BBS9: variants seen among roughly 807,000 people sequenced by gnomAD.
BBS9 encodes the protein Bardet-Biedl syndrome 9.
Under a neutral mutation model 117.7 loss-of-function variants are expected in BBS9, and 89 were observed. The observed-to-expected ratio is 0.76, with a 90% confidence interval of 0.64 to 0.90. BBS9 has a LOEUF of 0.90. Ranked by LOEUF, BBS9 falls within the 40% of genes least tolerant of loss-of-function variation. The pLI, the probability that BBS9 is intolerant of heterozygous loss-of-function variation, is 0.00. For synonymous variants in BBS9, 379 were observed against 370.9 expected, an observed-to-expected ratio of 1.02 and a Z score of -0.25; for missense variants, 982 against 1,042.2, an observed-to-expected ratio of 0.94 and a Z score of 0.80.
chr7:33,504,328 C>T (rs1318056273), intron 19 of BBS9, among the ~76,000 whole-genome samples: 1 of 152,202 alleles, frequency 6.6e-6, no homozygotes. Flanking sequence ...GCTCTGCCTA[C>T]ATCTCTTTTC....
At chr7:33,607,548 A>G (rs995035078), downstream of BBS9, among the ~76,000 whole-genome samples, 1 of 152,134 alleles carries the variant, frequency 6.6e-6, no homozygotes, top group African/African-American at 2.4e-5. Context: ...ATCACCATAT[A>G]TATCACAAAA....
At chr7:33,373,626 G>T (rs1288865737) in intron 17 of BBS9, among the ~76,000 whole-genome samples, 1 of 152,126 alleles carries the variant, frequency 6.6e-6, no homozygotes, top group Non-Finnish European at 1.5e-5. Context: ...TGAGCATTTT[G>T]GATAAAGTAT....
chr7:33,305,606 G>A (rs1807732374), intron 9 of BBS9, among the ~76,000 whole-genome samples: 1 of 152,030 alleles, frequency 6.6e-6, no homozygotes, highest in African/African-American at 2.4e-5. Flanking sequence ...ATATGTTTAG[G>A]TTTTGGATTT....
chr7:33,272,295 C>G (rs1335660446), intron 7 of BBS9, among the ~76,000 whole-genome samples: 1 of 152,148 alleles, frequency 6.6e-6, no homozygotes, highest in Non-Finnish European at 1.5e-5. Flanking sequence ...CGCCAAACCT[C>G]TGTGAAATGA....
intron 21 of BBS9, among the ~76,000 whole-genome samples, chr7:33,584,496 A>T (rs532356205): frequency 1.1e-4 from 16 of 151,998 alleles, no homozygotes; most frequent in South Asian, 1.0e-3. Flanking sequence ...TGGCATTTTT[A>T]AAAAAATTAG....
chr7:33,250,218 G>T (rs1304255710), intron 5 of BBS9, among the ~76,000 whole-genome samples: 1 of 152,148 alleles, frequency 6.6e-6, no homozygotes, highest in Non-Finnish European at 1.5e-5. Context: ...GTCTTCTCGT[G>T]TATAAAATGG....
intron 17 of BBS9, among the ~76,000 whole-genome samples, chr7:33,368,577 TAC>T (rs201655079): frequency 0.047 from 5,980 of 128,170 alleles, 181 homozygotes; most frequent in African/African-American, 0.082. Flanking sequence ...GAGAAAAAAG[TAC>T]ACACACACAC....
intron 19 of BBS9, among the ~76,000 whole-genome samples, chr7:33,429,926 A>G (rs1381092542): frequency 6.6e-6 from 1 of 152,102 alleles, no homozygotes; most frequent in Non-Finnish European, 1.5e-5. Flanking sequence ...ATGGGAAGGG[A>G]GAGTTGCCTT....
chr7:33,457,995 T>G (rs1838896374), intron 19 of BBS9, among the ~76,000 whole-genome samples: 1 of 152,178 alleles, frequency 6.6e-6, no homozygotes, highest in Admixed American at 6.5e-5. Flanking sequence ...TAATTTCTAG[T>G]CTTTTAGCTC....
intron 21 of BBS9, among the ~76,000 whole-genome samples, chr7:33,540,463 G>A (rs1323495472): frequency 6.6e-6 from 1 of 152,156 alleles, no homozygotes; most frequent in South Asian, 2.1e-4. Flanking sequence ...ATAAACCAAG[G>A]TGTGTATTAA....
rs532983862 is a variant in BBS9 at position 33,544,409 on chromosome 7, T to A, written c.2521+10233T>A. Among the ~76,000 whole-genome samples, 11 of 152,340 alleles carry A rather than the reference T, an allele frequency of 7.2e-5. No individual in the cohort carries two copies. The South Asian group carries it at 2.3e-3, about 32-fold the overall frequency. On this transcript the variant is annotated intron_variant, in intron 21 of 22. Coordinates refer to ENST00000242067, the MANE Select transcript of BBS9 (RefSeq NM_198428.3). ...TTCCCTTGATGTAGTACTCTCTCCC[T>A]TTTCCTATGGATGTGGCTTTCTGTG...
intron 16 of BBS9, among the ~76,000 whole-genome samples, chr7:33,365,361 T>C (rs1563068907): frequency 6.6e-6 from 1 of 152,216 alleles, no homozygotes; most frequent in East Asian, 1.9e-4. Flanking sequence ...GTGCTGGCAG[T>C]ATGAGATGTA....
At chr7:33,397,470 A>G (rs1399070964) in intron 19 of BBS9, among the ~76,000 whole-genome samples, 2 of 152,196 alleles carry the variant, frequency 1.3e-5, no homozygotes, top group Non-Finnish European at 2.9e-5. Context: ...ATTACTGAGT[A>G]TATACCCAAA....
intron 19 of BBS9, among the ~76,000 whole-genome samples, chr7:33,399,760 A>G (rs1178827441): frequency 6.6e-6 from 1 of 152,188 alleles, no homozygotes; most frequent in East Asian, 1.9e-4. Context: ...TGTAATGACA[A>G]TGATGTAAGT....
intron 1 of BBS9, among the ~76,000 whole-genome samples, chr7:33,141,035 C>G (rs568999635): frequency 8.9e-4 from 136 of 152,136 alleles, no homozygotes; most frequent in Admixed American, 2.7e-3. Flanking sequence ...AATGGTTTCC[C>G]AATGAAAACA....
chr7:33,135,110 C>T (rs1042333731), intron 1 of BBS9, among the ~76,000 whole-genome samples: 1 of 152,176 alleles, frequency 6.6e-6, no homozygotes, highest in Admixed American at 6.5e-5. Flanking sequence ...ACAGGCTGGG[C>T]TCAGACTTCT....
At chr7:33,385,989 G>C (rs1332549411) in intron 18 of BBS9, among the ~76,000 whole-genome samples, 1 of 152,098 alleles carries the variant, frequency 6.6e-6, no homozygotes, top group East Asian at 1.9e-4. Context: ...TGTGGGGTGG[G>C]GGGAGCGGAG....
chr7:33,631,424 A>G (rs10275762), intron 21 of BBS9, among the ~76,000 whole-genome samples: 151,662 of 152,280 alleles, frequency 1, 75,528 homozygotes, highest in Middle Eastern at 1. Context: ...TCTCCAAAGG[A>G]TGAAATGTCC....
At chr7:33,632,165 T>C (rs1283010832) in intron 21 of BBS9, among the ~76,000 whole-genome samples, 3 of 152,150 alleles carry the variant, frequency 2.0e-5, no homozygotes, top group East Asian at 1.9e-4. Context: ...GTTTCCCTTC[T>C]GTCCTTCCAA....
Sources: gnomAD v4.1 joint callset for allele counts (sites outside exome capture counted in the v4.1 genomes callset) on GRCh38, gnomAD v4.1.1 for gene constraint, MANE v1.5 for transcripts, NCBI Gene and HGNC (gene_info 2026-07-23, HGNC 2026-07-21) for gene names.